Variants in USH2A observed in about 807,000 individuals in gnomAD.
USH2A encodes Usher syndrome 2A (autosomal recessive, mild).
In USH2A, 443 loss-of-function variants were observed where a neutral mutation model predicts 538.9. The observed-to-expected ratio is 0.82, with a 90% CI of 0.76 to 0.89. The LOEUF (loss-of-function observed/expected upper bound fraction) is 0.89, where lower values mean the gene tolerates loss of function less well. USH2A is among the 40% of genes least tolerant of loss of function. The pLI is 0.00. For missense variants in USH2A, 6,633 were observed against 6,324.8 expected (o/e 1.05, Z -1.65); for synonymous variants, 2,413 against 2,273.5 (o/e 1.06, Z -1.75).
intron 47 of USH2A, among the ~76,000 whole-genome samples, chr1:215,818,175 T>C (rs1199331067): frequency 6.6e-6 from 1 of 151,890 alleles, no homozygotes; most frequent in East Asian, 1.9e-4. Flanking sequence ...TAGTTAAATT[T>C]TGGGACAGTC....
intron 13 of USH2A, 88 bp downstream of exon 13, chr1:216,246,497 A>G: frequency 6.4e-7 from 1 of 1,569,510 alleles, no homozygotes; most frequent in Admixed American, 1.7e-5. Context: ...AATTTGTAGA[A>G]GCCACAAACC....
intron 30 of USH2A, among the ~76,000 whole-genome samples, chr1:216,063,519 G>T (rs1442116164): frequency 1.3e-5 from 2 of 151,380 alleles, no homozygotes; most frequent in African/African-American, 4.9e-5. Context: ...CTCCTTGAAA[G>T]AAAAAAAATC....
At chr1:215,875,128 C>T (rs2102448000) in intron 43 of USH2A, among the ~76,000 whole-genome samples, 1 of 152,280 alleles carries the variant, frequency 6.6e-6, no homozygotes, top group South Asian at 2.1e-4. Context: ...ATCCTGCCCG[C>T]CAGGGGATCA....
intron 38 of USH2A, chr1:215,901,277 G>A: frequency 2.9e-6 from 1 of 348,674 alleles, no homozygotes; most frequent in South Asian, 2.3e-5. Flanking sequence ...GAACACTGAA[G>A]CAGTCCAGAT....
At chr1:215,854,938 C>T (rs1292538383) in intron 44 of USH2A, among the ~76,000 whole-genome samples, 2 of 152,194 alleles carry the variant, frequency 1.3e-5, no homozygotes, top group Non-Finnish European at 2.9e-5. Context: ...GGCATTCATC[C>T]ATGCAAGCTT....
intron 30 of USH2A, among the ~76,000 whole-genome samples, chr1:216,052,302 T>C (rs893276685): frequency 1.3e-5 from 2 of 150,710 alleles, no homozygotes; most frequent in Non-Finnish European, 2.9e-5. Flanking sequence ...ATTTCCCATT[T>C]CAAGCCCGGT....
intron 44 of USH2A, among the ~76,000 whole-genome samples, chr1:215,859,284 C>T (rs926206341): frequency 5.9e-5 from 9 of 152,088 alleles, no homozygotes; most frequent in Non-Finnish European, 1.2e-4. Context: ...CCTGTAATCC[C>T]AGCACTTTGG....
intron 20 of USH2A, among the ~76,000 whole-genome samples, chr1:216,184,391 A>T (rs2034553761): frequency 6.6e-6 from 1 of 152,010 alleles, no homozygotes; most frequent in Non-Finnish European, 1.5e-5. Context: ...TTTAACAACA[A>T]ATGGAATTAA....
At chr1:216,348,386 A>T (rs956172263) in intron 4 of USH2A, among the ~76,000 whole-genome samples, 1 of 152,092 alleles carries the variant, frequency 6.6e-6, no homozygotes, top group African/African-American at 2.4e-5. Context: ...CATGCCCTGT[A>T]CAGGGTTCCT....
intron 49 of USH2A, among the ~76,000 whole-genome samples, chr1:215,810,960 T>C (rs1299197082): frequency 3.3e-5 from 5 of 151,908 alleles, no homozygotes; most frequent in African/African-American, 1.2e-4. Flanking sequence ...TAAGGAAAAA[T>C]AATGAGTGAA....
At chr1:215,857,706 G>T (rs1400670329) in intron 44 of USH2A, among the ~76,000 whole-genome samples, 3 of 152,200 alleles carry the variant, frequency 2.0e-5, no homozygotes, top group Non-Finnish European at 4.4e-5. Context: ...AAGAGGACAT[G>T]AAGACCCTGA....
intron 2 of USH2A, among the ~76,000 whole-genome samples, chr1:216,420,534 T>C (rs1214740013): frequency 6.6e-6 from 1 of 152,144 alleles, no homozygotes; most frequent in Non-Finnish European, 1.5e-5. Context: ...CAAGGAACTC[T>C]CAAAACCATT....
At chr1:216,323,729 C>A in intron 7 of USH2A, 34 bp from the exon 8 acceptor site, 1 of 1,605,956 alleles carries the variant, frequency 6.2e-7, no homozygotes, top group Non-Finnish European at 8.5e-7. Context: ...TCATGAAAAT[C>A]TATTCACATT....
At chr1:216,158,957 T>C (rs1257991961) in intron 21 of USH2A, among the ~76,000 whole-genome samples, 1 of 152,210 alleles carries the variant, frequency 6.6e-6, no homozygotes, top group East Asian at 1.9e-4. Context: ...GTCATTTATG[T>C]GTGTTAGTTC....
chr1:215,856,035 T>C (rs984359495), intron 44 of USH2A, among the ~76,000 whole-genome samples: 5 of 152,186 alleles, frequency 3.3e-5, no homozygotes, highest in African/African-American at 1.2e-4. Context: ...AAAAATCAAC[T>C]CAAGATGGAA....
intron 11 of USH2A, among the ~76,000 whole-genome samples, chr1:216,273,039 T>A (rs1166500318): frequency 6.6e-6 from 1 of 151,978 alleles, no homozygotes; most frequent in Non-Finnish European, 1.5e-5. Context: ...AAAATGATTA[T>A]AATGAAACTA....
intron 15 of USH2A, among the ~76,000 whole-genome samples, chr1:216,212,739 G>A (rs937002703): frequency 2.0e-5 from 3 of 151,722 alleles, no homozygotes; most frequent in Non-Finnish European, 2.9e-5. Flanking sequence ...GTGTGTGTGT[G>A]TATATGTGTA....
rs879633927 is a variant in USH2A at position 215,628,807 on chromosome 1, A to G, written c.15519+7T>C. The G allele has an allele frequency of 8.7e-6, 14 of 1,614,076 alleles. No homozygotes were observed. The highest frequency in any genetic ancestry group is 1.2e-5 in the Non-Finnish European group (14 of 1,179,942). ...AGCAAAGGCCCTGTATGAGGAAACC[A>G]ACTCACCAGTCCACTGTTGTGGCCC... On this transcript the variant is annotated splice_region_variant and intron_variant, in intron 71 of 71. Coordinates refer to ENST00000307340, the MANE Select transcript of USH2A (RefSeq NM_206933.4).
intron 3 of USH2A, among the ~76,000 whole-genome samples, chr1:216,382,247 G>A (rs1054517763): frequency 1.3e-5 from 2 of 152,202 alleles, no homozygotes; most frequent in African/African-American, 4.8e-5. Flanking sequence ...GAAAGGATGA[G>A]TGCATGTCTA....
Sources: allele counts gnomAD v4.1 joint callset (sites outside exome capture counted in the v4.1 genomes callset), GRCh38; gene constraint gnomAD v4.1.1; transcripts MANE v1.5; gene names NCBI Gene and HGNC (gene_info 2026-07-23, HGNC 2026-07-21).